Variants in SHISA9 observed in about 807,000 individuals in gnomAD.
The protein encoded by SHISA9 is shisa family member 9, also known as protein shisa-9.
SHISA9 carries 13 observed loss-of-function variants against 38.0 expected under a neutral mutation model. The ratio of observed to expected loss-of-function variants is 0.34; its 90% confidence interval spans 0.22 to 0.54. The LOEUF is 0.54. Among genes scored for constraint, SHISA9 ranks in the 20% least tolerant of loss-of-function variants. The probability of loss-of-function intolerance (pLI) is 0.91; values close to 1 mark genes in which losing one functional copy is unlikely to be tolerated. For synonymous variants in SHISA9, 275 were observed against 242.0 expected (o/e 1.14, Z -1.27); for missense variants, 538 against 575.8 (o/e 0.93, Z 0.67).
chr16:13,347,817 A>G, the SHISA9 span, among the ~76,000 whole-genome samples: 4 of 134,774 alleles, frequency 3.0e-5, no homozygotes, highest in Non-Finnish European at 6.4e-5. Context: ...TTTTCTGACA[A>G]TTGTGGAAGG....
chr16:13,203,569 T>G lies in SHISA9; in HGVS notation c.847+20T>G. 1 of 1,466,244 alleles carries G rather than the reference T, an allele frequency of 6.8e-7. No homozygotes were observed. The highest frequency in any genetic ancestry group is 9.0e-7 in the Non-Finnish European group (1 of 1,105,490). The allele number at this position is 1,466,244 out of a possible 1,614,324, so 90.8% of individuals were successfully genotyped here. A position where few individuals can be genotyped will look rare whatever the true frequency, so the allele number is the denominator to read the frequency against. On this transcript the variant is annotated intron_variant, in intron 3 of 4. Transcript: ENST00000558583. ...CAGTCGGTAAGTGCCACCTGATGGA[T>G]CTTTTTCTCTTTCTCCTCTTCGCTC... is the stretch of plus-strand genomic sequence containing the variant.
the SHISA9 span, among the ~76,000 whole-genome samples, chr16:13,511,465 C>A: frequency 6.6e-6 from 1 of 151,994 alleles, no homozygotes; most frequent in East Asian, 1.9e-4. Flanking sequence ...TGCTTGAAAC[C>A]AAGATGAAAT....
intron 2 of SHISA9, among the ~76,000 whole-genome samples, chr16:12,970,382 CAT>C (rs1443214115): frequency 2.8e-5 from 1 of 35,566 alleles, no homozygotes; most frequent in Non-Finnish European, 5.1e-5. Context: ...TATATATATA[CAT>C]ATATGTATAT....
At chr16:13,336,224 GA>G in the SHISA9 span, among the ~76,000 whole-genome samples, 1 of 152,182 alleles carries the variant, frequency 6.6e-6, no homozygotes, top group Non-Finnish European at 1.5e-5. Flanking sequence ...CAAAAGTGAA[GA>G]AATAATACTC....
chr16:13,439,645 A>G, the SHISA9 span, among the ~76,000 whole-genome samples: 1 of 152,106 alleles, frequency 6.6e-6, no homozygotes, highest in African/African-American at 2.4e-5. Flanking sequence ...AAAATGGCAC[A>G]AAAAAATGGC....
chr16:13,187,816 G>T (rs1422990426), intron 2 of SHISA9, among the ~76,000 whole-genome samples: 1 of 152,162 alleles, frequency 6.6e-6, no homozygotes, highest in African/African-American at 2.4e-5. Context: ...AAATGTACAA[G>T]GTTGTCGACA....
At chr16:13,222,073 G>T (rs775075104) in intron 4 of SHISA9, among the ~76,000 whole-genome samples, 31 of 152,204 alleles carry the variant, frequency 2.0e-4, no homozygotes, top group Non-Finnish European at 3.5e-4. Flanking sequence ...AGGCAAGAGA[G>T]TGTGTGCAGG....
At position 13,077,766 on chromosome 16, in the gene SHISA9, G is replaced by A. The variant is rs184263687; in HGVS notation, c.692-125628G>A. Among the ~76,000 whole-genome samples the A allele has an allele frequency of 1.4e-3, 219 of 151,558 alleles. 1 individual carries two copies. The highest frequency in any genetic ancestry group is 5.2e-3 in the African/African-American group (213 of 40,848). On this transcript the variant is annotated intron_variant, in intron 2 of 4. Coordinates refer to ENST00000558583, the MANE Select transcript of SHISA9 (RefSeq NM_001145204.3). ...TTCCAACAAAAATGCTCAGAAGGAAGCCCTGAAAGGAAGTTGGAGTGCAAC... is the reference window on the plus strand; with the variant it reads ...TTCCAACAAAAATGCTCAGAAGGAAACCCTGAAAGGAAGTTGGAGTGCAAC...
intron 3 of SHISA9, among the ~76,000 whole-genome samples, chr16:13,205,564 C>T (rs1410949807): frequency 6.6e-6 from 1 of 152,174 alleles, no homozygotes; most frequent in African/African-American, 2.4e-5. Context: ...TTTAAGGTCT[C>T]AGTCTTCTAA....
intron 2 of SHISA9, among the ~76,000 whole-genome samples, chr16:13,048,085 C>T (rs999220563): frequency 1.1e-4 from 16 of 152,272 alleles, no homozygotes; most frequent in Admixed American, 3.9e-4. Flanking sequence ...TGGGAGACCA[C>T]GCTCCAAACC....
At chr16:13,207,599 CTTT>C (rs757223910) in intron 3 of SHISA9, among the ~76,000 whole-genome samples, 4 of 152,068 alleles carry the variant, frequency 2.6e-5, no homozygotes, top group Non-Finnish European at 5.9e-5. Context: ...GTTCTTCATC[CTTT>C]TTTTCTGACC....
chr16:13,198,730 G>A (rs911880064), intron 2 of SHISA9, among the ~76,000 whole-genome samples: 1 of 152,170 alleles, frequency 6.6e-6, no homozygotes, highest in Admixed American at 6.5e-5. Context: ...AATAAATTTT[G>A]TTTGTTGCCC....
At position 12,902,496 on chromosome 16, in the gene SHISA9, C is replaced by T; in HGVS notation, c.432C>T (p.Asp144=). ...CCCGCAAGGACGACCCCTTGCACGACCCCACCAAGGACAAGACCAACCTGA... is the reference window on the plus strand; with the variant it reads ...CCCGCAAGGACGACCCCTTGCACGATCCCACCAAGGACAAGACCAACCTGA... The part of the protein sequence containing the change: ...PPARKDDPLH[D]PTKDKTNLIV... Residue 144 remains aspartate, a synonymous_variant, in exon 1 of 5, where the codon GAC becomes GAT. Transcript: ENST00000558583. 1.3e-6 allele frequency: 2 copies of T among 1,551,610 alleles called. No individual in the cohort carries two copies. Among genetic ancestry groups the T allele is most frequent in the East Asian group, 2.4e-5 (1 of 40,914 alleles).
chr16:13,243,386 A>G (rs2051449176), downstream of SHISA9, among the ~76,000 whole-genome samples: 1 of 152,198 alleles, frequency 6.6e-6, no homozygotes, highest in Admixed American at 6.5e-5. Flanking sequence ...TGAGACATCA[A>G]TCAAGTACAT....
the SHISA9 span, among the ~76,000 whole-genome samples, chr16:13,252,940 A>T: frequency 6.6e-6 from 1 of 152,084 alleles, no homozygotes; most frequent in Non-Finnish European, 1.5e-5. Flanking sequence ...TGCCTGTACC[A>T]CCCCTGAAAT....
At chr16:12,993,676 C>G (rs2072419358) in intron 2 of SHISA9, among the ~76,000 whole-genome samples, 2 of 152,170 alleles carry the variant, frequency 1.3e-5, no homozygotes, top group South Asian at 4.1e-4. Flanking sequence ...AGGCACACAT[C>G]AAGCTGATAT....
At chr16:13,252,564 A>T in the SHISA9 span, among the ~76,000 whole-genome samples, 1 of 152,128 alleles carries the variant, frequency 6.6e-6, no homozygotes, top group Admixed American at 6.5e-5. Context: ...GTCTTTGATT[A>T]TATTTCACCT....
chr16:13,145,395 T>C (rs1278895512), intron 2 of SHISA9, among the ~76,000 whole-genome samples: 1 of 152,030 alleles, frequency 6.6e-6, no homozygotes, highest in Non-Finnish European at 1.5e-5. Flanking sequence ...GGTGTGGTGG[T>C]AGGCACCTTT....
chr16:13,273,809 C>G, the SHISA9 span, among the ~76,000 whole-genome samples: 1 of 152,170 alleles, frequency 6.6e-6, no homozygotes, highest in East Asian at 1.9e-4. Flanking sequence ...ATTTTCTCTC[C>G]TAAACCTCAG....
Sources: allele counts gnomAD v4.1 joint callset (sites outside exome capture counted in the v4.1 genomes callset), GRCh38; gene constraint gnomAD v4.1.1; transcripts MANE v1.5; gene names NCBI Gene and HGNC (gene_info 2026-07-23, HGNC 2026-07-21).